Variants in CDC5L observed in about 807,000 individuals in gnomAD.
CDC5L encodes cell division cycle 5-like protein.
A neutral mutation model predicts 104.1 loss-of-function variants in CDC5L; 18 were observed. The ratio of observed to expected loss-of-function variants is 0.17; its 90% confidence interval spans 0.12 to 0.26. CDC5L has a LOEUF of 0.26. Among genes scored for constraint, CDC5L ranks in the 10% least tolerant of loss-of-function variants. The pLI is 1.00. For synonymous variants in CDC5L, 331 were observed against 322.7 expected, an observed-to-expected ratio of 1.03 and a Z score of -0.28; for missense variants, 673 against 956.9, an observed-to-expected ratio of 0.70 and a Z score of 3.91.
Position 44,431,932 on chromosome 6 carries a change from G to A in CDC5L, c.2091+2022G>A, listed in dbSNP as rs868738210. Among the ~76,000 whole-genome samples the A allele has an allele frequency of 2.0e-5, 3 of 152,288 alleles. No individual in the cohort carries two copies. The East Asian group carries it at 5.8e-4, about 29-fold the overall frequency. On this transcript the variant is annotated intron_variant, in intron 14 of 15. Transcript: ENST00000371477. Reference sequence around the variant, plus strand: ...GATTTTGGAGAATATTCATAAAGCAGTCTGAAGTCATTTTTCTTTTCTTGA... The same window carrying A: ...GATTTTGGAGAATATTCATAAAGCAATCTGAAGTCATTTTTCTTTTCTTGA...
At chr6:44,419,682 T>C in intron 9 of CDC5L, 85 bp downstream of exon 9, 3 of 998,936 alleles carry the variant, frequency 3.0e-6, no homozygotes, top group Non-Finnish European at 4.7e-6. Context: ...TTACGGAGAA[T>C]GACTACTTAT....
At chr6:44,443,705 G>T (rs886589234) in intron 14 of CDC5L, among the ~76,000 whole-genome samples, 1 of 151,286 alleles carries the variant, frequency 6.6e-6, no homozygotes, top group East Asian at 1.9e-4. Flanking sequence ...AATATTTTCT[G>T]TCTCTTTGTG....
chr6:44,402,307 C>G (rs934774816), intron 5 of CDC5L, among the ~76,000 whole-genome samples: 2 of 151,948 alleles, frequency 1.3e-5, no homozygotes, highest in Non-Finnish European at 2.9e-5. Context: ...CACATCCTCT[C>G]CAGCACCTGT....
In CDC5L at chr6:44,449,380, G is replaced by A. The variant is rs1793567445; in HGVS notation, c.*2669G>A. The A allele has an allele frequency of 6.6e-6, 1 of 152,146 alleles. No individual in the cohort carries two copies. Among genetic ancestry groups the A allele is most frequent in the Non-Finnish European group, 1.5e-5 (1 of 68,036 alleles). The allele number at this position is 152,146 out of a possible 1,614,324, so 9.4% of individuals were successfully genotyped here. ...TTTTAACATTCACACTGAGGCCAGG[G>A]GTGGTGAGTCATGCCTGTAATCCTA... is the stretch of plus-strand genomic sequence containing the variant. On this transcript the variant is annotated 3_prime_UTR_variant, in exon 16 of 16. Transcript: ENST00000371477.
At chr6:44,446,412 C>A (rs112223617) in intron 15 of CDC5L, among the ~76,000 whole-genome samples, 195 bp from the exon 16 acceptor site, 81 of 152,268 alleles carry the variant, frequency 5.3e-4, no homozygotes, top group African/African-American at 1.7e-3. Flanking sequence ...AGCAGGATTT[C>A]ATATGACCAA....
At chr6:44,421,758 A>G (rs1048639270) in intron 9 of CDC5L, among the ~76,000 whole-genome samples, 2 of 152,232 alleles carry the variant, frequency 1.3e-5, no homozygotes, top group Non-Finnish European at 2.9e-5. Flanking sequence ...AGATGATTTA[A>G]AGTACATGGG....
Position 44,424,590 on chromosome 6 carries a change from A to T in CDC5L, c.1569+7A>T. Reference sequence around the variant, plus strand: ...TGTGGATGCTCGAAAGCAGGTGGGTAACTGTACTGAAAGAAGCGTGAGTTT... The same window carrying T: ...TGTGGATGCTCGAAAGCAGGTGGGTTACTGTACTGAAAGAAGCGTGAGTTT... On this transcript the variant is annotated splice_region_variant and intron_variant, in intron 11 of 15. Transcript: ENST00000371477. 5 of 1,613,476 alleles carry T rather than the reference A, an allele frequency of 3.1e-6. No homozygotes were observed. The highest frequency in any genetic ancestry group is 4.2e-6 in the Non-Finnish European group (5 of 1,179,602).
chr6:44,398,348 C>T (rs967070213), intron 5 of CDC5L, among the ~76,000 whole-genome samples: 8 of 152,098 alleles, frequency 5.3e-5, no homozygotes, highest in East Asian at 1.9e-4. Context: ...GCCCTTTAAC[C>T]GTGTGGATTG....
chr6:44,404,119 T>C, intron 6 of CDC5L, 92 bp downstream of exon 6: 1 of 753,490 alleles, frequency 1.3e-6, no homozygotes. Context: ...GCCAGATTTT[T>C]ATTATTTATT....
intron 14 of CDC5L, among the ~76,000 whole-genome samples, chr6:44,443,009 G>GT (rs61581947): frequency 2.6e-5 from 4 of 151,474 alleles, no homozygotes; most frequent in Non-Finnish European, 4.4e-5. Flanking sequence ...TTGGTTGGCA[G>GT]TTTTTTTTTC....
chr6:44,410,350 A>G (rs997374437), intron 8 of CDC5L, among the ~76,000 whole-genome samples: 5 of 152,174 alleles, frequency 3.3e-5, no homozygotes, highest in Admixed American at 1.3e-4. Context: ...ACTTGATGTA[A>G]TGTCCTTCAG....
At chr6:44,418,730 T>A (rs978818392) in intron 8 of CDC5L, among the ~76,000 whole-genome samples, 1 of 152,338 alleles carries the variant, frequency 6.6e-6, no homozygotes, top group African/African-American at 2.4e-5. Flanking sequence ...TGATTTGCAT[T>A]TCTCTGATGG....
chr6:44,445,590 T>A, intron 14 of CDC5L, 65 bp from the exon 15 acceptor site: 1 of 1,162,682 alleles, frequency 8.6e-7, no homozygotes, highest in South Asian at 1.4e-5. Flanking sequence ...GGTACCTTTT[T>A]AGCCCTGTTA....
intron 5 of CDC5L, among the ~76,000 whole-genome samples, chr6:44,403,382 G>C (rs1581646063): frequency 7.1e-6 from 1 of 141,342 alleles, no homozygotes; most frequent in African/African-American, 2.6e-5. Flanking sequence ...CATCATACTA[G>C]TTGCAAATAT....
chr6:44,407,504 T>A (rs532774846), intron 7 of CDC5L, among the ~76,000 whole-genome samples: 1 of 152,300 alleles, frequency 6.6e-6, no homozygotes, highest in South Asian at 2.1e-4. Context: ...TTTTTGTATA[T>A]TTACTAGAGA....
At chr6:44,406,714 G>C (rs925405360) in intron 7 of CDC5L, among the ~76,000 whole-genome samples, 1 of 152,116 alleles carries the variant, frequency 6.6e-6, no homozygotes, top group Non-Finnish European at 1.5e-5. Context: ...CAAGACAGAA[G>C]GAGTTCCTGC....
chr6:44,404,301 C>A (rs1388741459), intron 6 of CDC5L, among the ~76,000 whole-genome samples: 1 of 151,830 alleles, frequency 6.6e-6, no homozygotes, highest in African/African-American at 2.4e-5. Context: ...CACACCACCA[C>A]ACCTAGCTAA....
At chr6:44,409,099 T>C (rs896196788) in intron 8 of CDC5L, among the ~76,000 whole-genome samples, 5 of 152,184 alleles carry the variant, frequency 3.3e-5, no homozygotes, top group African/African-American at 1.2e-4. Context: ...AAAACATAGT[T>C]GGGTCTTTTG....
intron 5 of CDC5L, among the ~76,000 whole-genome samples, chr6:44,398,067 G>A (rs565817457): frequency 1.2e-4 from 19 of 152,186 alleles, no homozygotes; most frequent in Non-Finnish European, 2.1e-4. Flanking sequence ...TAATGGCTTT[G>A]AAGTGCCAGA....
Sources: gnomAD v4.1 joint callset for allele counts (sites outside exome capture counted in the v4.1 genomes callset) on GRCh38, gnomAD v4.1.1 for gene constraint, MANE v1.5 for transcripts, NCBI Gene and HGNC (gene_info 2026-07-23, HGNC 2026-07-21) for gene names.